SYNJ2BP: variants seen among roughly 807,000 people sequenced by gnomAD.
SYNJ2BP encodes synaptojanin 2 binding protein, also known as synaptojanin-2-binding protein.
In SYNJ2BP, 10 loss-of-function variants were observed where a neutral mutation model predicts 16.9. The observed-to-expected ratio is 0.59, with a 90% CI of 0.36 to 1.00. The LOEUF (loss-of-function observed/expected upper bound fraction) is 1.00, where lower values mean the gene tolerates loss of function less well. SYNJ2BP is among the 50% of genes least tolerant of loss of function. The pLI is 0.01. For synonymous variants in SYNJ2BP, 54 were observed against 68.4 expected, an observed-to-expected ratio of 0.79 and a Z score of 1.04; for missense variants, 162 against 186.7, an observed-to-expected ratio of 0.87 and a Z score of 0.77.
chr14:70,386,614 T>G (rs1278397948), intron 2 of SYNJ2BP, among the ~76,000 whole-genome samples: 2 of 152,166 alleles, frequency 1.3e-5, no homozygotes, highest in African/African-American at 4.8e-5. Flanking sequence ...AATACTCAGA[T>G]GCCAAATGAA....
chr14:70,401,605 T>C lies in SYNJ2BP; in HGVS notation c.65-12999A>G, dbSNP rs531703037. ...TGAGTCTTCTGTTTGTTTCCAATCT[T>C]GCTGGCATAATTTTTGCTGAGAAAA... On this transcript the variant is annotated intron_variant, in intron 1 of 3. Coordinates refer to ENST00000256366, the MANE Select transcript of SYNJ2BP (RefSeq NM_018373.3). 2.6e-5 allele frequency among the ~76,000 whole-genome samples: 4 copies of C among 151,586 alleles called. No homozygotes were observed. The East Asian group carries it at 7.9e-4, about 30-fold the overall frequency.
chr14:70,380,789 A>T (rs1233439656), intron 2 of SYNJ2BP, among the ~76,000 whole-genome samples: 1 of 152,304 alleles, frequency 6.6e-6, no homozygotes, highest in East Asian at 1.9e-4. Flanking sequence ...CTTCATTGAC[A>T]AGGCCTTTCT....
chr14:70,369,714 G>C lies in SYNJ2BP; in HGVS notation c.*3277C>G, dbSNP rs1039522576. ...TTTTTCCATTATACATGGCTAGATG[G>C]AACAATTAAGTTAAATCGATAACAC... On this transcript the variant is annotated 3_prime_UTR_variant, in exon 4 of 4. Transcript: ENST00000256366. 6.6e-6 allele frequency: 1 copy of C among 152,140 alleles called. No individual in the cohort carries two copies. The highest frequency in any genetic ancestry group is 1.5e-5 in the Non-Finnish European group (1 of 68,036). The allele number at this position is 152,140 out of a possible 1,614,324, so 9.4% of individuals were successfully genotyped here. A position where few individuals can be genotyped will look rare whatever the true frequency, so the allele number is the denominator to read the frequency against.
chr14:70,398,534 TG>T (rs1230955479), intron 1 of SYNJ2BP, among the ~76,000 whole-genome samples: 1 of 152,144 alleles, frequency 6.6e-6, no homozygotes, highest in Non-Finnish European at 1.5e-5. Flanking sequence ...GTGTACACAC[TG>T]GGCCGGGCTT....
chr14:70,396,584 G>GTATGTATGTA (rs1555348751), intron 1 of SYNJ2BP, among the ~76,000 whole-genome samples: 1 of 150,954 alleles, frequency 6.6e-6, no homozygotes, highest in African/African-American at 2.4e-5. Context: ...GTGTATGTAT[G>GTATGTATGTA]TATGTATGTG....
intron 1 of SYNJ2BP, among the ~76,000 whole-genome samples, chr14:70,391,017 T>C (rs1244029850): frequency 1.3e-5 from 2 of 151,610 alleles, no homozygotes; most frequent in Admixed American, 1.3e-4. Flanking sequence ...TGACCAACAT[T>C]GGGAGGCTGA....
intron 2 of SYNJ2BP, among the ~76,000 whole-genome samples, chr14:70,380,314 A>G (rs1229908254): frequency 6.6e-6 from 1 of 152,218 alleles, no homozygotes; most frequent in Non-Finnish European, 1.5e-5. Flanking sequence ...GTTGTAAATT[A>G]AATTTTTATT....
Position 70,392,725 on chromosome 14 carries a change from T to C in SYNJ2BP, c.65-4119A>G, listed in dbSNP as rs537607807. On this transcript the variant is annotated intron_variant, in intron 1 of 3. Coordinates refer to ENST00000256366, the MANE Select transcript of SYNJ2BP (RefSeq NM_018373.3). ...AAACTTATTAAGTACGTCTATGGCA[T>C]GTGACCTAGAAATCCCCCTTAAGAG... Among the ~76,000 whole-genome samples the C allele has an allele frequency of 5.9e-5, 9 of 152,326 alleles. No homozygotes were observed. The South Asian group carries it at 1.7e-3, about 28-fold the overall frequency.
At chr14:70,392,495 G>A (rs945101002) in intron 1 of SYNJ2BP, among the ~76,000 whole-genome samples, 1 of 151,866 alleles carries the variant, frequency 6.6e-6, no homozygotes, top group African/African-American at 2.4e-5. Context: ...CATAAAATAC[G>A]AAAAAAAATC....
intron 1 of SYNJ2BP, among the ~76,000 whole-genome samples, chr14:70,392,412 T>C (rs916386589): frequency 6.6e-6 from 1 of 152,198 alleles, no homozygotes; most frequent in Non-Finnish European, 1.5e-5. Context: ...ATCCTCAGCT[T>C]CCTTTTCTAC....
chr14:70,385,494 G>C (rs909036604), intron 2 of SYNJ2BP, among the ~76,000 whole-genome samples: 1 of 151,960 alleles, frequency 6.6e-6, no homozygotes, highest in African/African-American at 2.4e-5. Flanking sequence ...GTAGCTGGGG[G>C]ACTACAGGCG....
In SYNJ2BP at chr14:70,369,071, G is replaced by A. The variant is rs141486038; in HGVS notation, c.*3920C>T. On this transcript the variant is annotated 3_prime_UTR_variant, in exon 4 of 4. Coordinates refer to ENST00000256366, the MANE Select transcript of SYNJ2BP (RefSeq NM_018373.3). Reference sequence around the variant, plus strand: ...CAGAGTTTTTGATTCACTAGGTCTGGAACTTCTTTTTTCTCTTCTGGGAAC... The same window carrying A: ...CAGAGTTTTTGATTCACTAGGTCTGAAACTTCTTTTTTCTCTTCTGGGAAC... 92 of 152,274 alleles carry A rather than the reference G, an allele frequency of 6.0e-4. No individual in the cohort carries two copies. Among genetic ancestry groups the A allele is most frequent in the African/African-American group, 2.1e-3 (87 of 41,552 alleles). 9.4% of individuals were successfully genotyped at this position (152,274 alleles called of 1,614,324 possible). A position where few individuals can be genotyped will look rare whatever the true frequency, so the allele number is the denominator to read the frequency against.
intron 2 of SYNJ2BP, among the ~76,000 whole-genome samples, chr14:70,387,490 T>C (rs1290294564): frequency 6.6e-6 from 1 of 152,192 alleles, no homozygotes; most frequent in Non-Finnish European, 1.5e-5. Flanking sequence ...CTTAACTTGT[T>C]CATTTCTTAA....
At position 70,400,728 on chromosome 14, in the gene SYNJ2BP, C is replaced by T. The variant is rs1888217384; in HGVS notation, c.65-12122G>A. The stretch of plus-strand genomic sequence containing the variant: ...AAAGACACGTTTTACATTCTTTACA[C>T]ACCTTGCATGTAAATCTATCCTCAG... On this transcript the variant is annotated intron_variant, in intron 1 of 3. Transcript: ENST00000256366. Among the ~76,000 whole-genome samples, 7 of 152,220 alleles carry T rather than the reference C, an allele frequency of 4.6e-5. 1 individual carries two copies. In the South Asian group the frequency reaches 1.4e-3, roughly 32 times the overall value.
intron 2 of SYNJ2BP, among the ~76,000 whole-genome samples, chr14:70,381,453 A>C (rs1173117746): frequency 1.3e-5 from 2 of 152,228 alleles, no homozygotes. Flanking sequence ...TGTCATGATT[A>C]CGACTTTCTC....
intron 1 of SYNJ2BP, among the ~76,000 whole-genome samples, chr14:70,410,840 A>C (rs1888457028): frequency 6.6e-6 from 1 of 152,214 alleles, no homozygotes. Flanking sequence ...AGAGGAGAAC[A>C]GACACTGGGG....
At chr14:70,382,319 T>C (rs1393918016) in intron 2 of SYNJ2BP, among the ~76,000 whole-genome samples, 1 of 152,184 alleles carries the variant, frequency 6.6e-6, no homozygotes, top group Non-Finnish European at 1.5e-5. Context: ...ATTCATCACA[T>C]ATAGAAAAGT....
chr14:70,390,607 G>A (rs1431139279), intron 1 of SYNJ2BP, among the ~76,000 whole-genome samples: 1 of 151,766 alleles, frequency 6.6e-6, no homozygotes, highest in Non-Finnish European at 1.5e-5. Context: ...GGTGGAGTTT[G>A]CAGTGAGCTG....
intron 1 of SYNJ2BP, among the ~76,000 whole-genome samples, chr14:70,414,482 A>G (rs562693188): frequency 6.6e-6 from 1 of 152,352 alleles, no homozygotes; most frequent in African/African-American, 2.4e-5. Flanking sequence ...TACTAACACT[A>G]GGAAATTTAT....
Sources: allele counts gnomAD v4.1 joint callset (sites outside exome capture counted in the v4.1 genomes callset), GRCh38; gene constraint gnomAD v4.1.1; transcripts MANE v1.5; gene names NCBI Gene and HGNC (gene_info 2026-07-23, HGNC 2026-07-21).